MLIP: variants seen among roughly 807,000 people sequenced by gnomAD.
MLIP encodes the protein muscular LMNA interacting protein.
Under a neutral mutation model 84.8 loss-of-function variants are expected in MLIP, and 79 were observed. The ratio of observed to expected loss-of-function variants is 0.93; its 90% CI spans 0.78 to 1.12. The LOEUF (loss-of-function observed/expected upper bound fraction) is 1.12. Among genes scored for constraint, MLIP ranks in the 50% most tolerant of loss-of-function variants. The pLI, the probability that MLIP is intolerant of heterozygous loss-of-function variation, is 0.00. For missense variants in MLIP, 1,257 were observed against 1,160.6 expected, an observed-to-expected ratio of 1.08 and a Z score of -1.21; for synonymous variants, 504 against 463.0, an observed-to-expected ratio of 1.09 and a Z score of -1.14.
chr6:54,159,049 C>T (rs995791282), intron 5 of MLIP, among the ~76,000 whole-genome samples: 22 of 151,926 alleles, frequency 1.4e-4, no homozygotes, highest in Non-Finnish European at 2.9e-4. Context: ...GTTTCTGAAA[C>T]TACAGGTGTA....
intron 2 of MLIP, among the ~76,000 whole-genome samples, chr6:54,123,910 T>A (rs1190936636): frequency 2.6e-5 from 4 of 152,190 alleles, no homozygotes; most frequent in African/African-American, 7.2e-5. Flanking sequence ...CAGTGAAAGA[T>A]GCTTTGTACT....
At chr6:54,119,176 A>G (rs147647940) in intron 1 of MLIP, among the ~76,000 whole-genome samples, 39 of 152,358 alleles carry the variant, frequency 2.6e-4, no homozygotes, top group African/African-American at 8.2e-4. Flanking sequence ...TGATCTAGCA[A>G]TCCCATTACT....
chr6:54,049,672 T>A (rs1765266331), intron 1 of MLIP, among the ~76,000 whole-genome samples: 1 of 152,156 alleles, frequency 6.6e-6, no homozygotes, highest in Non-Finnish European at 1.5e-5. Flanking sequence ...TAAACACCAC[T>A]ACTTACCCCC....
At chr6:54,087,917 T>C (rs1273862599) in intron 1 of MLIP, among the ~76,000 whole-genome samples, 2 of 152,034 alleles carry the variant, frequency 1.3e-5, no homozygotes, top group African/African-American at 4.8e-5. Flanking sequence ...CCTAAAGCTC[T>C]ACCTGGGGAA....
intron 4 of MLIP, among the ~76,000 whole-genome samples, chr6:54,142,262 A>C (rs1340605263): frequency 6.6e-6 from 1 of 152,226 alleles, no homozygotes; most frequent in South Asian, 2.1e-4. Flanking sequence ...AAGACAGTTT[A>C]TATTCTTTGG....
chr6:54,248,175 CAGAG>C (rs1471230462), intron 12 of MLIP, among the ~76,000 whole-genome samples: 2 of 151,912 alleles, frequency 1.3e-5, no homozygotes, highest in African/African-American at 4.8e-5. Flanking sequence ...AGATAAAAAA[CAGAG>C]AGAGAAAAAT....
chr6:54,104,112 C>T (rs490628), intron 1 of MLIP, among the ~76,000 whole-genome samples: 57,029 of 151,644 alleles, frequency 0.38, 11,022 homozygotes, highest in African/African-American at 0.45. Flanking sequence ...TTTTTTTCAG[C>T]CGAATATGAT....
chr6:54,242,370 T>G (rs1185082780), intron 12 of MLIP, among the ~76,000 whole-genome samples: 1 of 152,222 alleles, frequency 6.6e-6, no homozygotes, highest in Non-Finnish European at 1.5e-5. Flanking sequence ...GGTAACGTTA[T>G]TGAGAGCATG....
rs148805828 is a variant in MLIP at position 54,066,646 on chromosome 6, G to A, written c.63+47555G>A. Among the ~76,000 whole-genome samples the A allele has an allele frequency of 8.6e-3, 857 of 99,870 alleles. 109 individuals carry two copies. Among genetic ancestry groups the A allele is most frequent in the African/African-American group, 0.02 (768 of 39,128 alleles). The allele number at this position is 99,870 out of a possible 152,430, so 65.5% of individuals were successfully genotyped here. ...CAGAGTGTAGGTAGATACTGACTGA[G>A]GGAAGGCAATAGACGTTACTCTCAG... On this transcript the variant is annotated intron_variant, in intron 1 of 12. Transcript: ENST00000274897.
chr6:54,191,726 C>T (rs896851604), intron 10 of MLIP, among the ~76,000 whole-genome samples: 11 of 152,084 alleles, frequency 7.2e-5, no homozygotes, highest in African/African-American at 2.7e-4. Context: ...ACTGCAATAA[C>T]ATAATGAGGT....
intron 1 of MLIP, among the ~76,000 whole-genome samples, chr6:54,105,363 G>A (rs952353131): frequency 6.6e-6 from 1 of 152,136 alleles, no homozygotes; most frequent in Non-Finnish European, 1.5e-5. Context: ...ACATTAGGTT[G>A]ATTCCATTTT....
chr6:54,028,026 T>G (rs1763918726), intron 1 of MLIP, among the ~76,000 whole-genome samples: 1 of 152,184 alleles, frequency 6.6e-6, no homozygotes, highest in African/African-American at 2.4e-5. Flanking sequence ...ACAGCTCCCC[T>G]AAGGGAATGA....
chr6:54,236,259 T>C (rs1398283047), intron 12 of MLIP, among the ~76,000 whole-genome samples: 1 of 151,782 alleles, frequency 6.6e-6, no homozygotes, highest in Non-Finnish European at 1.5e-5. Flanking sequence ...CCAGCTCAGG[T>C]TGAACAAGGC....
chr6:54,213,727 A>AC lies in MLIP; in HGVS notation c.2718+11494_2718+11495insC, dbSNP rs773372367. ...TGTCTCAAAAAAAAAAAAAAAAAAA[A>AC]AAAAAAAAACAACAAACAGCATATC... On this transcript the variant is annotated intron_variant, in intron 11 of 13. Coordinates refer to ENST00000502396, the MANE Select transcript of MLIP (RefSeq NM_001281747.2). Among the ~76,000 whole-genome samples the AC allele has an allele frequency of 6.1e-3, 61 of 9,962 alleles. 7 individuals carry two copies. Among genetic ancestry groups the AC allele is most frequent in the East Asian group, 0.032 (5 of 158 alleles). 6.5% of individuals were successfully genotyped at this position (9,962 alleles called of 152,430 possible).
chr6:54,260,635 A>G lies in MLIP; in HGVS notation c.2976+3274A>G, dbSNP rs1399641179. On this transcript the variant is annotated intron_variant, in intron 13 of 13. Transcript: ENST00000502396. ...ATCATGAAAGAATTTGTTGCAGTGA[A>G]TGATTTCAATTTCTAAAAACTTGAG... 2.6e-5 allele frequency among the ~76,000 whole-genome samples: 4 copies of G among 152,120 alleles called. 1 individual carries two copies. In the East Asian group the frequency reaches 7.7e-4, roughly 29 times the overall value.
At chr6:54,221,065 C>T (rs577422519) in intron 11 of MLIP, among the ~76,000 whole-genome samples, 6 of 152,034 alleles carry the variant, frequency 3.9e-5, no homozygotes, top group Admixed American at 6.6e-5. Flanking sequence ...AACTTCAAGA[C>T]GCATTAGAAA....
upstream of MLIP, among the ~76,000 whole-genome samples, chr6:54,110,103 C>T (rs1237314421): frequency 6.6e-6 from 1 of 151,568 alleles, no homozygotes; most frequent in African/African-American, 2.4e-5. Flanking sequence ...CTGCCTCAGC[C>T]TCCCGATTAG....
chr6:54,175,238 T>A (rs1475677173), intron 9 of MLIP, among the ~76,000 whole-genome samples: 1 of 152,078 alleles, frequency 6.6e-6, no homozygotes, highest in Non-Finnish European at 1.5e-5. Flanking sequence ...GGGTCTTTTG[T>A]AGTTCCCTAT....
intron 11 of MLIP, chr6:54,216,179 C>T (rs1779841609): frequency 1.0e-6 from 1 of 985,068 alleles, no homozygotes; most frequent in Non-Finnish European, 1.2e-6. Context: ...TTCTTGTTAT[C>T]ATTTCCTTTA....
Sources: gnomAD v4.1 joint callset for allele counts (sites outside exome capture counted in the v4.1 genomes callset) on GRCh38, gnomAD v4.1.1 for gene constraint, MANE v1.5 for transcripts, NCBI Gene and HGNC (gene_info 2026-07-23, HGNC 2026-07-21) for gene names.